Variants in FRS2 observed in about 807,000 individuals in gnomAD.
FRS2 encodes fibroblast growth factor receptor substrate 2.
Under a neutral mutation model 43.9 loss-of-function variants are expected in FRS2, and 8 were observed. That is an observed-to-expected ratio of 0.18 (90% confidence interval 0.11 to 0.33). FRS2 has a LOEUF of 0.33. Ranked by LOEUF, FRS2 falls within the 10% of genes least tolerant of loss-of-function variation. FRS2 has a pLI of 1.00. For synonymous variants in FRS2, 219 were observed against 220.3 expected (o/e 0.99, Z 0.05); for missense variants, 534 against 627.6 (o/e 0.85, Z 1.59).
At chr12:69,488,132 A>C (rs1736963069) in intron 1 of FRS2, among the ~76,000 whole-genome samples, 1 of 152,242 alleles carries the variant, frequency 6.6e-6, no homozygotes, top group African/African-American at 2.4e-5. Flanking sequence ...TGAGTTGATA[A>C]AGCAGTGACA....
chr12:69,550,380 A>G (rs1414085760), intron 3 of FRS2, among the ~76,000 whole-genome samples: 1 of 152,228 alleles, frequency 6.6e-6, no homozygotes, highest in South Asian at 2.1e-4. Context: ...TGCAAAAACC[A>G]TATGAAGTGT....
At chr12:69,505,260 G>C (rs1440335121) in intron 1 of FRS2, among the ~76,000 whole-genome samples, 1 of 152,164 alleles carries the variant, frequency 6.6e-6, no homozygotes, top group East Asian at 1.9e-4. Flanking sequence ...ACTTTCTTTT[G>C]TAGTAGTCAA....
At position 69,578,087 on chromosome 12, in the gene FRS2, A is replaced by G. The variant is rs1348015869; in HGVS notation, c.*3132A>G. ...CTTATGTTTTCATAATTTCCCAACAATGTGCCGCCATATTTTTGCCTCAAG... is the reference window on the plus strand; with the variant it reads ...CTTATGTTTTCATAATTTCCCAACAGTGTGCCGCCATATTTTTGCCTCAAG... On this transcript the variant is annotated 3_prime_UTR_variant, in exon 9 of 9. Coordinates refer to ENST00000549921, the MANE Select transcript of FRS2 (RefSeq NM_001278356.2). 1 of 152,612 alleles carries G rather than the reference A, an allele frequency of 6.6e-6. No homozygotes were observed. The highest frequency in any genetic ancestry group is 1.5e-5 in the Non-Finnish European group (1 of 68,006). The allele number at this position is 152,612 out of a possible 1,614,324, so 9.5% of individuals were successfully genotyped here. A position where few individuals can be genotyped will look rare whatever the true frequency, so the allele number is the denominator to read the frequency against.
At chr12:69,515,624 G>C (rs545153708) in intron 1 of FRS2, among the ~76,000 whole-genome samples, 66 of 152,192 alleles carry the variant, frequency 4.3e-4, no homozygotes, top group Middle Eastern at 3.4e-3. Context: ...CCTCGAGAGG[G>C]AGAAACAAAG....
chr12:69,495,498 C>T (rs887767711), intron 1 of FRS2, among the ~76,000 whole-genome samples: 2 of 152,154 alleles, frequency 1.3e-5, no homozygotes, highest in African/African-American at 4.8e-5. Flanking sequence ...TGTATGGATA[C>T]ATGCACTAAT....
At chr12:69,491,342 C>CACCT (rs1258128820) in intron 1 of FRS2, among the ~76,000 whole-genome samples, 3 of 152,056 alleles carry the variant, frequency 2.0e-5, no homozygotes, top group Non-Finnish European at 4.4e-5. Flanking sequence ...GCGACCTGCC[C>CACCT]ACCTCGGCCT....
chr12:69,543,003 T>C (rs1263101354), intron 3 of FRS2, among the ~76,000 whole-genome samples: 1 of 152,198 alleles, frequency 6.6e-6, no homozygotes, highest in African/African-American at 2.4e-5. Context: ...ATAATGCAAA[T>C]GACAGTTTTT....
In FRS2 at chr12:69,569,119, T is replaced by C. The variant is rs750603755; in HGVS notation, c.66+23T>C. 4.3e-6 allele frequency: 6 copies of C among 1,405,718 alleles called. No individual in the cohort carries two copies. The East Asian group carries it at 6.9e-5, about 16-fold the overall frequency. 87.1% of individuals were successfully genotyped at this position (1,405,718 alleles called of 1,614,324 possible). A position where few individuals can be genotyped will look rare whatever the true frequency, so the allele number is the denominator to read the frequency against. ...AAGGTCAGTAAAACTGGTTGAGTTA[T>C]ATATCTTACTGCCTAGTTGGGTGTT... On this transcript the variant is annotated intron_variant, in intron 5 of 8. Transcript: ENST00000549921.
At chr12:69,511,860 T>C (rs1460541024) in intron 1 of FRS2, among the ~76,000 whole-genome samples, 1 of 152,224 alleles carries the variant, frequency 6.6e-6, no homozygotes, top group Non-Finnish European at 1.5e-5. Flanking sequence ...AAAAAATACC[T>C]CAGTAAATAT....
At chr12:69,561,435 A>G (rs1565775797) in intron 3 of FRS2, among the ~76,000 whole-genome samples, 1 of 152,248 alleles carries the variant, frequency 6.6e-6, no homozygotes, top group Non-Finnish European at 1.5e-5. Flanking sequence ...GACTATTCCC[A>G]TAACCCCTAA....
chr12:69,488,289 C>T (rs1872139098), intron 1 of FRS2, among the ~76,000 whole-genome samples: 1 of 152,140 alleles, frequency 6.6e-6, no homozygotes, highest in South Asian at 2.1e-4. Context: ...TAAGAAATTG[C>T]CGCAGCCACC....
In FRS2 at chr12:69,578,004, G is replaced by T. The variant is rs140036636; in HGVS notation, c.*3049G>T. The T allele has an allele frequency of 4.6e-5, 7 of 152,628 alleles. No homozygotes were observed. The highest frequency in any genetic ancestry group is 1.0e-4 in the Non-Finnish European group (7 of 67,982). The allele number at this position is 152,628 out of a possible 1,614,324, so 9.5% of individuals were successfully genotyped here. A position where few individuals can be genotyped will look rare whatever the true frequency, so the allele number is the denominator to read the frequency against. On this transcript the variant is annotated 3_prime_UTR_variant, in exon 9 of 9. Transcript: ENST00000549921. ...TTATCTCCTCCCCCTCCCCAAAACTGTGGCACAGCATATAAAAATGTACCT... is the reference window on the plus strand; with the variant it reads ...TTATCTCCTCCCCCTCCCCAAAACTTTGGCACAGCATATAAAAATGTACCT...
In FRS2 at chr12:69,575,506, C is replaced by G. The variant is rs1360143019; in HGVS notation, c.*551C>G. The G allele has an allele frequency of 6.5e-6, 1 of 152,908 alleles. No homozygotes were observed. Among genetic ancestry groups the G allele is most frequent in the African/African-American group, 2.4e-5 (1 of 41,458 alleles). The allele number at this position is 152,908 out of a possible 1,614,324, so 9.5% of individuals were successfully genotyped here. A position where few individuals can be genotyped will look rare whatever the true frequency, so the allele number is the denominator to read the frequency against. ...CACCTCCTCTTACACCAGTCAGCTC[C>G]TTTGCCTTCAGTGTTACTAGAAAGC... On this transcript the variant is annotated 3_prime_UTR_variant, in exon 9 of 9. Transcript: ENST00000549921.
intron 1 of FRS2, among the ~76,000 whole-genome samples, chr12:69,489,254 A>G (rs1414032396): frequency 1.3e-5 from 2 of 152,116 alleles, no homozygotes; most frequent in Non-Finnish European, 2.9e-5. Context: ...GTCTTCAGGT[A>G]GTGTTTGGGG....
intron 3 of FRS2, among the ~76,000 whole-genome samples, chr12:69,541,578 T>G (rs1877904102): frequency 6.6e-6 from 1 of 152,070 alleles, no homozygotes; most frequent in Admixed American, 6.5e-5. Flanking sequence ...GTAATCCTAG[T>G]ACTTTAGGAA....
intron 3 of FRS2, among the ~76,000 whole-genome samples, chr12:69,544,534 C>T (rs1300578306): frequency 6.6e-6 from 1 of 151,900 alleles, no homozygotes; most frequent in Non-Finnish European, 1.5e-5. Context: ...TGGTGAAACC[C>T]CATCTCTACT....
At chr12:69,477,077 G>A (rs1010735480) in intron 1 of FRS2, among the ~76,000 whole-genome samples, 1 of 151,744 alleles carries the variant, frequency 6.6e-6, no homozygotes, top group African/African-American at 2.4e-5. Flanking sequence ...TTTTAACAGT[G>A]CTTAAATTTT....
chr12:69,540,335 C>CAA (rs372869960), intron 3 of FRS2, among the ~76,000 whole-genome samples: 13,549 of 142,604 alleles, frequency 0.095, 815 homozygotes, highest in Non-Finnish European at 0.15. Flanking sequence ...CTTGTAGTGC[C>CAA]AAAAAAAAAA....
chr12:69,553,365 C>T (rs1325363787), intron 3 of FRS2, among the ~76,000 whole-genome samples: 1 of 152,204 alleles, frequency 6.6e-6, no homozygotes, highest in Non-Finnish European at 1.5e-5. Flanking sequence ...GCCACTGCGC[C>T]TGGCCCACTT....
Sources: allele counts gnomAD v4.1 joint callset (sites outside exome capture counted in the v4.1 genomes callset), GRCh38; gene constraint gnomAD v4.1.1; transcripts MANE v1.5; gene names NCBI Gene and HGNC (gene_info 2026-07-23, HGNC 2026-07-21).